Variants in MTUS2 observed in about 807,000 individuals in gnomAD.
The protein encoded by MTUS2 is microtubule associated scaffold protein 2.
MTUS2 carries 40 observed loss-of-function variants against 114.1 expected under a neutral mutation model. The ratio of observed to expected loss-of-function variants is 0.35; its 90% CI spans 0.27 to 0.46. MTUS2 has a LOEUF of 0.46. Ranked by LOEUF, MTUS2 falls within the 20% of genes least tolerant of loss-of-function variation. The pLI, the probability that MTUS2 is intolerant of heterozygous loss-of-function variation, is 1.00. For synonymous variants in MTUS2, 688 were observed against 672.0 expected, an observed-to-expected ratio of 1.02 and a Z score of -0.37; for missense variants, 1,679 against 1,705.4, an observed-to-expected ratio of 0.98 and a Z score of 0.27.
intron 2 of MTUS2, among the ~76,000 whole-genome samples, chr13:28,886,124 G>A (rs1878578430): frequency 6.6e-6 from 1 of 152,152 alleles, no homozygotes; most frequent in Non-Finnish European, 1.5e-5. Context: ...GGAGAGGGGT[G>A]GTCAGGAGTG....
At chr13:29,036,624 A>G in intron 4 of MTUS2, among the ~76,000 whole-genome samples, 1 of 152,186 alleles carries the variant, frequency 6.6e-6, no homozygotes, top group Admixed American at 6.5e-5. Context: ...GTGTCCCACT[A>G]TTATTGTGTG....
At chr13:29,303,755 A>G (rs1261420088) in intron 6 of MTUS2, among the ~76,000 whole-genome samples, 1 of 152,206 alleles carries the variant, frequency 6.6e-6, no homozygotes, top group Non-Finnish European at 1.5e-5. Context: ...CTAGCAAGAC[A>G]TGCCAACATT....
chr13:29,026,702 A>G lies in MTUS2; in HGVS notation c.2004A>G (p.Pro668=), dbSNP rs775847127. ...CCTCGCTGGTTCCAGTGGGGCTTCC[A>G]TATGCCCCGCCCACATGTACCATGC... The part of the protein sequence containing the change: ...VDASLVPVGL[P]YAPPTCTMPL... Residue 668 remains proline (P), a synonymous_variant, in exon 3 of 16, where the codon CCA becomes CCG. Coordinates refer to ENST00000612955, the MANE Select transcript of MTUS2 (RefSeq NM_001033602.4). 3 of 1,614,036 alleles carry G rather than the reference A, an allele frequency of 1.9e-6. No homozygotes were observed. The highest frequency in any genetic ancestry group is 1.7e-5 in the Admixed American group (1 of 60,030).
chr13:29,368,639 T>C (rs1239644711), intron 8 of MTUS2, among the ~76,000 whole-genome samples: 1 of 143,824 alleles, frequency 7.0e-6, no homozygotes, highest in Admixed American at 6.8e-5. Context: ...AAAAAATAAT[T>C]CAAAAAAATA....
intron 5 of MTUS2, among the ~76,000 whole-genome samples, chr13:29,213,487 T>C (rs554425350): frequency 6.6e-6 from 1 of 152,244 alleles, no homozygotes; most frequent in Non-Finnish European, 1.5e-5. Context: ...TTGTCAACTT[T>C]ATCAGCCTTT....
At chr13:29,319,191 T>C (rs1298174372) in intron 6 of MTUS2, among the ~76,000 whole-genome samples, 2 of 152,184 alleles carry the variant, frequency 1.3e-5, no homozygotes, top group Non-Finnish European at 2.9e-5. Flanking sequence ...ATTATTCAGC[T>C]CTTTTTTGGT....
chr13:29,399,712 A>G (rs1336327363), intron 8 of MTUS2, among the ~76,000 whole-genome samples: 2 of 152,212 alleles, frequency 1.3e-5, no homozygotes, highest in Non-Finnish European at 2.9e-5. Context: ...AGTTCCAGAA[A>G]AAAAGAACAG....
At chr13:29,279,370 A>G (rs1476329109) in intron 5 of MTUS2, among the ~76,000 whole-genome samples, 2 of 152,192 alleles carry the variant, frequency 1.3e-5, no homozygotes, top group Admixed American at 1.3e-4. Context: ...AAAAGACTGA[A>G]TTAGCCATGT....
chr13:28,976,203 C>CAAAAAAAA (rs71090215), intron 2 of MTUS2, among the ~76,000 whole-genome samples: 45 of 90,002 alleles, frequency 5.0e-4, no homozygotes, highest in Non-Finnish European at 8.2e-4. Flanking sequence ...GACCTTGTCT[C>CAAAAAAAA]AAAAAAAAAA....
At chr13:28,933,759 G>C (rs996518554) in intron 2 of MTUS2, among the ~76,000 whole-genome samples, 2 of 152,100 alleles carry the variant, frequency 1.3e-5, no homozygotes, top group Admixed American at 1.3e-4. Context: ...AAATGCTCAG[G>C]GTCATAAGGT....
At chr13:29,034,372 C>T (rs1382945990) in intron 4 of MTUS2, among the ~76,000 whole-genome samples, 1 of 152,172 alleles carries the variant, frequency 6.6e-6, no homozygotes, top group Non-Finnish European at 1.5e-5. Flanking sequence ...TCTTGCTTCT[C>T]TAATATGCCC....
At chr13:29,334,257 G>T (rs111859639) in intron 7 of MTUS2, among the ~76,000 whole-genome samples, 5,347 of 152,234 alleles carry the variant, frequency 0.035, 294 homozygotes, top group African/African-American at 0.12. Flanking sequence ...TATGATGCTA[G>T]CTGGTTATTC....
intron 2 of MTUS2, among the ~76,000 whole-genome samples, chr13:28,855,773 C>T (rs1262294558): frequency 1.3e-5 from 2 of 152,142 alleles, no homozygotes; most frequent in East Asian, 3.9e-4. Context: ...GATTTATATT[C>T]CTTTGGGTAT....
chr13:29,407,519 C>T (rs578064163), intron 8 of MTUS2, among the ~76,000 whole-genome samples: 80 of 149,844 alleles, frequency 5.3e-4, no homozygotes, highest in Non-Finnish European at 1.9e-4. Context: ...CTCTTGTTGC[C>T]CAGGCTGGAG....
rs568186360 is a variant in MTUS2 at position 29,175,867 on chromosome 13, T to C, written c.2644+74897T>C. On this transcript the variant is annotated intron_variant, in intron 5 of 15. Transcript: ENST00000612955. Reference sequence around the variant, plus strand: ...TTAAATATCACACATATTTTAAATTTATAATTTATTTAAACATTAAAGTAC... The same window carrying C: ...TTAAATATCACACATATTTTAAATTCATAATTTATTTAAACATTAAAGTAC... 1.2e-3 allele frequency among the ~76,000 whole-genome samples: 178 copies of C among 152,326 alleles called. 1 individual carries two copies. The highest frequency in any genetic ancestry group is 2.9e-3 in the South Asian group (14 of 4,830).
chr13:28,991,673 T>C (rs1220137941), intron 2 of MTUS2, among the ~76,000 whole-genome samples: 6 of 152,216 alleles, frequency 3.9e-5, no homozygotes, highest in Admixed American at 3.9e-4. Flanking sequence ...CGGGTGTTTC[T>C]TCAATGTCTT....
chr13:28,977,782 C>T (rs1014917414), intron 2 of MTUS2, among the ~76,000 whole-genome samples: 1 of 152,080 alleles, frequency 6.6e-6, no homozygotes, highest in African/African-American at 2.4e-5. Flanking sequence ...CTGGTGGAGT[C>T]CAGGATTTAT....
At chr13:29,435,747 T>C (rs1443465302) in intron 8 of MTUS2, among the ~76,000 whole-genome samples, 4 of 152,222 alleles carry the variant, frequency 2.6e-5, no homozygotes, top group Non-Finnish European at 5.9e-5. Context: ...GTAACTTACT[T>C]TATGCAGAGG....
At chr13:29,310,618 A>T (rs1164797707) in intron 6 of MTUS2, among the ~76,000 whole-genome samples, 1 of 152,236 alleles carries the variant, frequency 6.6e-6, no homozygotes, top group East Asian at 1.9e-4. Context: ...AAAAAAATCA[A>T]ATAGCCAATA....
Sources: allele counts gnomAD v4.1 joint callset (sites outside exome capture counted in the v4.1 genomes callset), GRCh38; gene constraint gnomAD v4.1.1; transcripts MANE v1.5; gene names NCBI Gene and HGNC (gene_info 2026-07-23, HGNC 2026-07-21).